The following TMEM161B variants were observed in gnomAD, a reference collection of about 807,000 sequenced individuals.
The protein encoded by TMEM161B is transmembrane protein 161B.
In TMEM161B, 34 loss-of-function variants were observed where a neutral mutation model predicts 61.8. That is an observed-to-expected ratio of 0.55 (90% confidence interval 0.42 to 0.73). The LOEUF (loss-of-function observed/expected upper bound fraction) is 0.73. Among genes scored for constraint, TMEM161B ranks in the 30% least tolerant of loss-of-function variants. The pLI, the probability that TMEM161B is intolerant of heterozygous loss-of-function variation, is 0.00. For synonymous variants in TMEM161B, 167 were observed against 192.8 expected (o/e 0.87, Z 1.11); for missense variants, 456 against 558.5 (o/e 0.82, Z 1.85).
chr5:88,186,880 G>T (rs1413388343), downstream of TMEM161B, among the ~76,000 whole-genome samples: 1 of 151,784 alleles, frequency 6.6e-6, no homozygotes, highest in Admixed American at 6.6e-5. Flanking sequence ...TCCAGCCTGG[G>T]CAACAAAGTG....
At chr5:88,251,924 A>G (rs1034833497) in intron 1 of TMEM161B, among the ~76,000 whole-genome samples, 1 of 152,202 alleles carries the variant, frequency 6.6e-6, no homozygotes, top group Non-Finnish European at 1.5e-5. Flanking sequence ...AGAATAGTTG[A>G]TGGCTCATAG....
At chr5:88,225,281 T>G (rs898500714) in intron 4 of TMEM161B, among the ~76,000 whole-genome samples, 1 of 152,134 alleles carries the variant, frequency 6.6e-6, no homozygotes, top group Non-Finnish European at 1.5e-5. Flanking sequence ...TATGTGTTGA[T>G]TTTTTATGTT....
chr5:88,238,791 T>TA (rs1165833441), intron 2 of TMEM161B, among the ~76,000 whole-genome samples: 2 of 152,018 alleles, frequency 1.3e-5, no homozygotes, highest in East Asian at 3.9e-4. Flanking sequence ...ATAAAATCAA[T>TA]AATCTTATTC....
At chr5:88,205,164 G>T (rs1037492655) in intron 8 of TMEM161B, among the ~76,000 whole-genome samples, 38 of 152,134 alleles carry the variant, frequency 2.5e-4, no homozygotes, top group African/African-American at 8.9e-4. Flanking sequence ...CAAGCACAAA[G>T]AATATAGTAA....
exon 13 of TMEM161B, chr5:88,190,025 G>C (rs533661229): frequency 2.9e-6 from 2 of 700,228 alleles, no homozygotes; most frequent in Non-Finnish European, 5.2e-6. Flanking sequence ...CGATCCGTAA[G>C]GGCAGTCCAA....
At position 88,195,114 on chromosome 5, in the gene TMEM161B, A is replaced by AGTCAGCAGGTTTAC; in HGVS notation, c.*1096_*1097insGTAAACCTGCTGAC. 1 of 983,566 alleles carries AGTCAGCAGGTTTAC rather than the reference A, an allele frequency of 1.0e-6. No homozygotes were observed. The highest frequency in any genetic ancestry group is 1.2e-6 in the Non-Finnish European group (1 of 827,918). The allele number at this position is 983,566 out of a possible 1,614,324, so 60.9% of individuals were successfully genotyped here. A position where few individuals can be genotyped will look rare whatever the true frequency, so the allele number is the denominator to read the frequency against. Reference sequence around the variant, plus strand: ...GATTCTGATTTTTGGAAATGACAGAAAAAGAATTTTAATTTGGGAGAAACC... The same window carrying AGTCAGCAGGTTTAC: ...GATTCTGATTTTTGGAAATGACAGAAGTCAGCAGGTTTACAAAGAATTTTAATTTGGGAGAAACC... On this transcript the variant is annotated 3_prime_UTR_variant, in exon 12 of 12. Transcript: ENST00000296595.
intron 1 of TMEM161B, among the ~76,000 whole-genome samples, chr5:88,242,395 C>T (rs1373815074): frequency 1.3e-5 from 2 of 151,770 alleles, no homozygotes; most frequent in African/African-American, 4.8e-5. Flanking sequence ...TTTATCCTCC[C>T]ATTTGCTGGC....
chr5:88,232,666 C>T (rs541794084), intron 2 of TMEM161B, among the ~76,000 whole-genome samples: 2 of 152,238 alleles, frequency 1.3e-5, no homozygotes, highest in African/African-American at 2.4e-5. Flanking sequence ...CTCTGCCTCC[C>T]GGGTTCATGC....
At chr5:88,208,498 C>A (rs957976304) in intron 5 of TMEM161B, among the ~76,000 whole-genome samples, 1 of 151,670 alleles carries the variant, frequency 6.6e-6, no homozygotes, top group Non-Finnish European at 1.5e-5. Flanking sequence ...AAAAATTAGC[C>A]GGGCATGGTG....
intron 8 of TMEM161B, 37 bp from the exon 9 acceptor site, chr5:88,203,112 A>G (rs946717382): frequency 1.5e-6 from 2 of 1,301,040 alleles, no homozygotes; most frequent in East Asian, 4.6e-5. Flanking sequence ...AAAATTCAGA[A>G]ACAGCACGTG....
intron 5 of TMEM161B, among the ~76,000 whole-genome samples, chr5:88,210,354 TTG>T (rs1009843027): frequency 6.6e-6 from 1 of 152,130 alleles, no homozygotes; most frequent in Non-Finnish European, 1.5e-5. Context: ...CCATTCCTGA[TTG>T]TGTTTAAATT....
chr5:88,200,430 C>A (rs1473896397), intron 9 of TMEM161B: 1 of 152,030 alleles, frequency 6.6e-6, no homozygotes, highest in African/African-American at 2.4e-5. Flanking sequence ...GACCTATAAA[C>A]AATACTGTGC....
At chr5:88,198,822 G>C (rs1425796127) in intron 10 of TMEM161B, 154 bp downstream of exon 10, 1 of 697,128 alleles carries the variant, frequency 1.4e-6, no homozygotes, top group Admixed American at 3.4e-5. Flanking sequence ...TCAGATCAAG[G>C]TCTCTTTGAT....
rs1325160792 is a variant in TMEM161B, at chr5:88,205,722, C to T, written c.800+92G>A. On this transcript the variant is annotated intron_variant, in intron 8 of 11. Coordinates refer to ENST00000296595, the MANE Select transcript of TMEM161B (RefSeq NM_153354.5). ...ATCAAATGGTTATTAATTTTCAATA[C>T]AATAATTTATGATTACATTACAATA... The T allele has an allele frequency of 6.4e-6, 9 of 1,412,334 alleles. No homozygotes were observed. In the South Asian group the frequency reaches 8.4e-5, roughly 13 times the overall value. 87.5% of individuals were successfully genotyped at this position (1,412,334 alleles called of 1,614,324 possible).
chr5:88,248,667 G>C (rs1024147279), intron 1 of TMEM161B, among the ~76,000 whole-genome samples: 1 of 140,628 alleles, frequency 7.1e-6, no homozygotes, highest in Admixed American at 7.3e-5. Context: ...ATCATGGGTA[G>C]TAAGAGGACA....
chr5:88,209,712 T>C (rs1269543552), intron 5 of TMEM161B, among the ~76,000 whole-genome samples: 10 of 152,168 alleles, frequency 6.6e-5, no homozygotes, highest in Non-Finnish European at 1.5e-5. Flanking sequence ...CATCTCCCAA[T>C]AACCCGTATG....
chr5:88,187,392 GAATTTATATAACATTTGTGTT>G (rs368290870), downstream of TMEM161B, among the ~76,000 whole-genome samples: 4,020 of 152,186 alleles, frequency 0.026, 150 homozygotes, highest in African/African-American at 0.09. Context: ...GGATTGTGTT[GAATTTATATAACATTTGTGTT>G]AATTTATATA....
At chr5:88,192,708 GA>G (rs966763474), downstream of TMEM161B, among the ~76,000 whole-genome samples, 1 of 152,164 alleles carries the variant, frequency 6.6e-6, no homozygotes, top group Non-Finnish European at 1.5e-5. Context: ...AAAGACACAG[GA>G]TGATCTGCAT....
intron 1 of TMEM161B, among the ~76,000 whole-genome samples, chr5:88,253,980 A>C (rs1754662805): frequency 6.6e-6 from 1 of 151,790 alleles, no homozygotes. Flanking sequence ...AAAATCTGAC[A>C]GTTACTAGAA....
Sources: allele counts gnomAD v4.1 joint callset (sites outside exome capture counted in the v4.1 genomes callset), GRCh38; gene constraint gnomAD v4.1.1; transcripts MANE v1.5; gene names NCBI Gene and HGNC (gene_info 2026-07-23, HGNC 2026-07-21).